GTF2E2: variants seen among roughly 807,000 people sequenced by gnomAD.
GTF2E2 encodes the protein transcription initiation factor IIE subunit beta.
GTF2E2 carries 21 observed loss-of-function variants against 40.5 expected under a neutral mutation model. The observed-to-expected ratio is 0.52, with a 90% CI of 0.37 to 0.75. The LOEUF (loss-of-function observed/expected upper bound fraction) is 0.75. Among genes scored for constraint, GTF2E2 ranks in the 30% least tolerant of loss-of-function variants. The pLI, the probability that GTF2E2 is intolerant of heterozygous loss-of-function variation, is 0.00. For missense variants in GTF2E2, 298 were observed against 338.4 expected, an observed-to-expected ratio of 0.88 and a Z score of 0.94; for synonymous variants, 117 against 121.6, an observed-to-expected ratio of 0.96 and a Z score of 0.25.
At chr8:30,617,922 A>T (rs1412464583) in intron 3 of GTF2E2, among the ~76,000 whole-genome samples, 1 of 152,116 alleles carries the variant, frequency 6.6e-6, no homozygotes, top group East Asian at 1.9e-4. Context: ...GGGTGTACAC[A>T]CCCCAGGGAC....
intron 3 of GTF2E2, among the ~76,000 whole-genome samples, chr8:30,629,149 A>T (rs955604573): frequency 6.6e-6 from 1 of 152,174 alleles, no homozygotes; most frequent in Non-Finnish European, 1.5e-5. Context: ...CATATATTTT[A>T]AAAAATTTTT....
At position 30,658,072 on chromosome 8, in the gene GTF2E2, C is replaced by A; in HGVS notation, c.-104G>T. On this transcript the variant is annotated 5_prime_UTR_variant, in exon 1 of 8. Coordinates refer to ENST00000355904, the MANE Select transcript of GTF2E2 (RefSeq NM_002095.6). ...GGCACTGCACCCTCTTCCTGCTTCTCGTCAGCGCCCCCGCCTGCCCGCACG... is the reference window on the plus strand; with the variant it reads ...GGCACTGCACCCTCTTCCTGCTTCTAGTCAGCGCCCCCGCCTGCCCGCACG... 2 of 160,664 alleles carry A rather than the reference C, an allele frequency of 1.2e-5. No individual in the cohort carries two copies. Among genetic ancestry groups the A allele is most frequent in the South Asian group, 1.5e-4 (1 of 6,728 alleles). The allele number at this position is 160,664 out of a possible 1,614,324, so 10.0% of individuals were successfully genotyped here. A position where few individuals can be genotyped will look rare whatever the true frequency, so the allele number is the denominator to read the frequency against.
intron 6 of GTF2E2, chr8:30,596,891 G>C (rs939452619): frequency 2.6e-5 from 4 of 152,216 alleles, no homozygotes; most frequent in Non-Finnish European, 4.4e-5. Flanking sequence ...CACCAGCTTC[G>C]AACTGTGTTA....
intron 4 of GTF2E2, among the ~76,000 whole-genome samples, 192 bp downstream of exon 4, chr8:30,614,416 C>T (rs919020499): frequency 6.6e-6 from 1 of 152,134 alleles, no homozygotes; most frequent in Non-Finnish European, 1.5e-5. Context: ...CCCGTCTCTA[C>T]TAAAAACACA....
chr8:30,601,635 A>G (rs1829184090), intron 6 of GTF2E2, among the ~76,000 whole-genome samples: 1 of 152,202 alleles, frequency 6.6e-6, no homozygotes, highest in Non-Finnish European at 1.5e-5. Context: ...AGGGACACAG[A>G]TCAGTGAAAA....
intron 2 of GTF2E2, chr8:30,638,542 G>C (rs879136027): frequency 6.6e-6 from 1 of 152,620 alleles, no homozygotes; most frequent in South Asian, 2.1e-4. Flanking sequence ...CTCCATTGTG[G>C]TTCAACCAAT....
intron 7 of GTF2E2, 125 bp downstream of exon 7, chr8:30,580,156 C>G (rs1828473609): frequency 1.5e-6 from 1 of 655,280 alleles, no homozygotes; most frequent in Non-Finnish European, 2.7e-6. Context: ...CAGATGTGAC[C>G]TGGGCTGCGG....
At chr8:30,580,843 T>C (rs532695869) in intron 6 of GTF2E2, among the ~76,000 whole-genome samples, 60 of 151,992 alleles carry the variant, frequency 3.9e-4, no homozygotes, top group African/African-American at 1.4e-3. Flanking sequence ...ACAATTTATC[T>C]GCAAAAAAGA....
In GTF2E2 at chr8:30,624,191, C is replaced by A. The variant is rs147907798; in HGVS notation, c.259-9476G>T. On this transcript the variant is annotated intron_variant, in intron 3 of 7. Transcript: ENST00000355904. Reference sequence around the variant, plus strand: ...TCCATCTTGAATTAATTTTTGTATACGGTGTAAGGAAGGGATCCAGTTTCA... The same window carrying A: ...TCCATCTTGAATTAATTTTTGTATAAGGTGTAAGGAAGGGATCCAGTTTCA... Among the ~76,000 whole-genome samples the A allele has an allele frequency of 8.0e-3, 1,222 of 152,040 alleles. 30 individuals carry two copies. Among genetic ancestry groups the A allele is most frequent in the African/African-American group, 0.027 (1,131 of 41,420 alleles).
At chr8:30,596,995 C>G (rs1829027394) in intron 6 of GTF2E2, 1 of 152,402 alleles carries the variant, frequency 6.6e-6, no homozygotes, top group African/African-American at 2.4e-5. Context: ...CTGAGCTGGT[C>G]TGCCTCCACG....
intron 2 of GTF2E2, among the ~76,000 whole-genome samples, chr8:30,646,428 A>C (rs955951613): frequency 2.6e-5 from 4 of 151,550 alleles, no homozygotes; most frequent in African/African-American, 9.7e-5. Context: ...TATTTCTTGG[A>C]ATTCCAAGGG....
At chr8:30,592,945 A>AGGC (rs1308709921) in intron 6 of GTF2E2, among the ~76,000 whole-genome samples, 4 of 152,216 alleles carry the variant, frequency 2.6e-5, no homozygotes, top group African/African-American at 4.8e-5. Flanking sequence ...TCACGCATGT[A>AGGC]ATCCCAGCAC....
At chr8:30,637,875 G>A (rs1801664200) in intron 2 of GTF2E2, among the ~76,000 whole-genome samples, 1 of 152,194 alleles carries the variant, frequency 6.6e-6, no homozygotes, top group African/African-American at 2.4e-5. Context: ...GTCTGCTGCT[G>A]TTGTTAACAG....
chr8:30,595,866 G>A (rs2151115614), intron 6 of GTF2E2, among the ~76,000 whole-genome samples: 1 of 151,676 alleles, frequency 6.6e-6, no homozygotes, highest in Admixed American at 6.6e-5. Flanking sequence ...GAAGGGGAAG[G>A]AAAAGAAAAA....
chr8:30,627,448 C>CAA (rs71539905), intron 3 of GTF2E2, among the ~76,000 whole-genome samples: 1,129 of 63,498 alleles, frequency 0.018, 27 homozygotes, highest in South Asian at 0.032. Flanking sequence ...ACCTCTCTTG[C>CAA]AAAAAAAAAA....
chr8:30,631,108 A>G (rs1184593342), intron 3 of GTF2E2, among the ~76,000 whole-genome samples: 1 of 152,042 alleles, frequency 6.6e-6, no homozygotes, highest in African/African-American at 2.4e-5. Context: ...GCTCATTGCA[A>G]CTTCCACCTC....
At chr8:30,638,625 CCT>C (rs1422840747) in intron 2 of GTF2E2, 27 of 152,594 alleles carry the variant, frequency 1.8e-4, no homozygotes, top group African/African-American at 5.8e-4. Flanking sequence ...TCAGCAGCAT[CCT>C]CTCAGACAAG....
intron 3 of GTF2E2, among the ~76,000 whole-genome samples, chr8:30,627,617 C>T (rs1801326274): frequency 6.6e-6 from 1 of 152,050 alleles, no homozygotes; most frequent in African/African-American, 2.4e-5. Context: ...TTGCTTGAGG[C>T]CAGGAGTTTA....
intron 3 of GTF2E2, among the ~76,000 whole-genome samples, chr8:30,619,906 G>A (rs1310074847): frequency 1.3e-5 from 2 of 152,044 alleles, no homozygotes; most frequent in Non-Finnish European, 2.9e-5. Context: ...AGAGATAGGA[G>A]ACATTATTGC....
Sources: gnomAD v4.1 joint callset for allele counts (sites outside exome capture counted in the v4.1 genomes callset) on GRCh38, gnomAD v4.1.1 for gene constraint, MANE v1.5 for transcripts, NCBI Gene and HGNC (gene_info 2026-07-23, HGNC 2026-07-21) for gene names.